COL23A1: variants seen among roughly 807,000 people sequenced by gnomAD.
COL23A1 encodes the protein collagen alpha-1(XXIII) chain.
In COL23A1, 97 loss-of-function variants were observed where a neutral mutation model predicts 99.3. That is an observed-to-expected ratio of 0.98 (90% confidence interval 0.83 to 1.16). The LOEUF (loss-of-function observed/expected upper bound fraction) is 1.16, where lower values mean the gene tolerates loss of function less well. Ranked by LOEUF, COL23A1 falls within the 50% of genes most tolerant of loss-of-function variation. COL23A1 has a pLI of 0.00. For synonymous variants in COL23A1, 320 were observed against 308.2 expected (o/e 1.04, Z -0.40); for missense variants, 762 against 757.4 (o/e 1.01, Z -0.07).
chr5:178,411,422 A>G (rs1042963783), intron 2 of COL23A1, among the ~76,000 whole-genome samples: 1 of 151,460 alleles, frequency 6.6e-6, no homozygotes, highest in Non-Finnish European at 1.5e-5. Flanking sequence ...TAGGTAAACA[A>G]ACTGTGATAC....
At chr5:178,525,844 C>T (rs1410695561) in intron 2 of COL23A1, among the ~76,000 whole-genome samples, 1 of 152,246 alleles carries the variant, frequency 6.6e-6, no homozygotes, top group African/African-American at 2.4e-5. Flanking sequence ...TAAAATGTAT[C>T]CACAGGCAAA....
chr5:178,580,192 A>G (rs541716845), intron 1 of COL23A1, among the ~76,000 whole-genome samples: 70 of 152,084 alleles, frequency 4.6e-4, no homozygotes, highest in Non-Finnish European at 9.6e-4. Flanking sequence ...GCCGGGTGTG[A>G]TGGCGCATGC....
chr5:178,341,799 G>A (rs954065069), intron 2 of COL23A1, among the ~76,000 whole-genome samples: 1 of 151,960 alleles, frequency 6.6e-6, no homozygotes, highest in Non-Finnish European at 1.5e-5. Context: ...CCGGCACCCC[G>A]CCCGCCTCAG....
intron 1 of COL23A1, chr5:178,562,822 C>T (rs71611446): frequency 1.3e-5 from 2 of 151,052 alleles, no homozygotes; most frequent in South Asian, 4.2e-4. Context: ...GATTGGTCCA[C>T]TTTACAGAAT....
chr5:178,278,342 C>T (rs1301768956), intron 5 of COL23A1, among the ~76,000 whole-genome samples: 2 of 152,088 alleles, frequency 1.3e-5, no homozygotes, highest in African/African-American at 2.4e-5. Context: ...TCCTTGGTTT[C>T]CACAGACAAT....
intron 2 of COL23A1, among the ~76,000 whole-genome samples, chr5:178,461,998 C>T (rs1293491321): frequency 6.6e-6 from 1 of 152,238 alleles, no homozygotes; most frequent in Admixed American, 6.5e-5. Flanking sequence ...AGACGGTGCA[C>T]TGCAAATTGG....
At chr5:178,490,452 T>G (rs1757868429) in intron 2 of COL23A1, among the ~76,000 whole-genome samples, 1 of 151,794 alleles carries the variant, frequency 6.6e-6, no homozygotes, top group Non-Finnish European at 1.5e-5. Flanking sequence ...GGAGGACGCG[T>G]GGGAAGTTGC....
chr5:178,256,342 C>A lies in COL23A1; in HGVS notation c.882+11G>T. The A allele has an allele frequency of 6.3e-7, 1 of 1,596,016 alleles. No homozygotes were observed. On this transcript the variant is annotated intron_variant, in intron 15 of 28. Coordinates refer to ENST00000390654, the MANE Select transcript of COL23A1 (RefSeq NM_173465.4). Reference sequence around the variant, plus strand: ...CATCCCTGAGGCCTCGCCTGAGGGGCGGCAGCTTACCCGGGGCCCTGCAGC... The same window carrying A: ...CATCCCTGAGGCCTCGCCTGAGGGGAGGCAGCTTACCCGGGGCCCTGCAGC...
intron 2 of COL23A1, among the ~76,000 whole-genome samples, chr5:178,432,487 G>A (rs1766316701): frequency 6.6e-6 from 1 of 152,180 alleles, no homozygotes; most frequent in African/African-American, 2.4e-5. Context: ...CCTCTCGCCT[G>A]CCTCCTACGC....
chr5:178,258,262 T>TATATATATACATATATACAC, intron 12 of COL23A1, among the ~76,000 whole-genome samples: 1 of 104,066 alleles, frequency 9.6e-6, no homozygotes, highest in Non-Finnish European at 2.2e-5. Context: ...TATATATATA[T>TATATATATACATATATACAC]ACACATGCAA....
chr5:178,289,342 C>T (rs78179962), intron 4 of COL23A1, among the ~76,000 whole-genome samples: 263 of 152,344 alleles, frequency 1.7e-3, no homozygotes, highest in Non-Finnish European at 3.5e-3. Context: ...CAAAGGCAGG[C>T]ACATCCTTTG....
intron 16 of COL23A1, 21 bp from the exon 17 acceptor site, chr5:178,252,618 G>C: frequency 1.2e-6 from 2 of 1,601,412 alleles, no homozygotes; most frequent in African/African-American, 2.7e-5. Context: ...GAGTGAAGCC[G>C]GTCAGTGTCA....
chr5:178,494,608 G>A (rs1405849680), intron 2 of COL23A1, among the ~76,000 whole-genome samples: 2 of 152,196 alleles, frequency 1.3e-5, no homozygotes, highest in East Asian at 3.9e-4. Context: ...CCGGGAGGTG[G>A]AGGCTGCACT....
In COL23A1 at chr5:178,255,842, C is replaced by CT; in HGVS notation, c.882+510dup. 2.4e-6 allele frequency: 1 copy of CT among 413,666 alleles called. No individual in the cohort carries two copies. Among genetic ancestry groups the CT allele is most frequent in the Non-Finnish European group, 4.9e-6 (1 of 202,110 alleles). The allele number at this position is 413,666 out of a possible 1,614,324, so 25.6% of individuals were successfully genotyped here. On this transcript the variant is annotated intron_variant, in intron 15 of 28. Transcript: ENST00000390654. This position sits in a 1 kb window ranked among gnomAD's most constrained non-coding sequence, Gnocchi z 4.2. ...TTTTTTTGGAGGAAGAAGCCAGCCT[C>CT]TGGGAGCATGAGGAGACAGAGCCGA... is the stretch of plus-strand genomic sequence containing the variant.
chr5:178,443,947 A>G (rs1767022730), intron 2 of COL23A1, among the ~76,000 whole-genome samples: 6 of 152,154 alleles, frequency 3.9e-5, no homozygotes. Flanking sequence ...CACGCCTGTA[A>G]TCCTAACACT....
At chr5:178,397,034 G>A (rs376376318) in intron 2 of COL23A1, among the ~76,000 whole-genome samples, 1 of 152,216 alleles carries the variant, frequency 6.6e-6, no homozygotes, top group Admixed American at 6.5e-5. Flanking sequence ...TCCCCTCTGC[G>A]TGTCAGGAAG....
intron 2 of COL23A1, among the ~76,000 whole-genome samples, chr5:178,543,635 CG>C (rs1761419253): frequency 6.6e-6 from 1 of 152,092 alleles, no homozygotes; most frequent in Non-Finnish European, 1.5e-5. Flanking sequence ...TTGTGGGTGG[CG>C]GAGGCAGATA....
At chr5:178,487,210 T>C (rs954353484) in intron 2 of COL23A1, among the ~76,000 whole-genome samples, 2 of 152,220 alleles carry the variant, frequency 1.3e-5, no homozygotes, top group Admixed American at 6.5e-5. Flanking sequence ...CAAGTCCCAG[T>C]TGACACACTA....
chr5:178,543,189 C>T (rs1761390814), intron 2 of COL23A1, among the ~76,000 whole-genome samples: 1 of 151,596 alleles, frequency 6.6e-6, no homozygotes, highest in African/African-American at 2.4e-5. Flanking sequence ...CTCACTGCAA[C>T]CTCCGCCTCC....
Sources: gnomAD v4.1 joint callset for allele counts (sites outside exome capture counted in the v4.1 genomes callset) on GRCh38, gnomAD v4.1.1 for gene constraint, Gnocchi (gnomAD v3.1) non-coding constraint, MANE v1.5 for transcripts, NCBI Gene and HGNC (gene_info 2026-07-23, HGNC 2026-07-21) for gene names.